Variants in PXK observed in about 807,000 individuals in gnomAD.
PXK encodes the protein PX domain-containing protein kinase-like protein.
In PXK, 35 loss-of-function variants were observed where a neutral mutation model predicts 84.7. That is an observed-to-expected ratio of 0.41 (90% CI 0.32 to 0.55). The LOEUF (loss-of-function observed/expected upper bound fraction) is 0.55. Among genes scored for constraint, PXK ranks in the 20% least tolerant of loss-of-function variants. The pLI is 0.21. For missense variants in PXK, 634 were observed against 699.7 expected (o/e 0.91, Z 1.06); for synonymous variants, 253 against 260.8 (o/e 0.97, Z 0.29).
intron 1 of PXK, among the ~76,000 whole-genome samples, chr3:58,348,255 T>C (rs1483942862): frequency 3.3e-5 from 5 of 152,196 alleles, no homozygotes; most frequent in Admixed American, 2.6e-4. Context: ...CAGCCATCCC[T>C]AAGCTGATCT....
At position 58,370,580 on chromosome 3, in the gene PXK, C is replaced by A. The variant is rs2108525603; in HGVS notation, c.201+1102C>A. 6.6e-6 allele frequency among the ~76,000 whole-genome samples: 1 copy of A among 152,296 alleles called. No homozygotes were observed. Among genetic ancestry groups the A allele is most frequent in the South Asian group, 2.1e-4 (1 of 4,826 alleles). On this transcript the variant is annotated intron_variant, in intron 3 of 17. Transcript: ENST00000356151. This position sits in a 1 kb window ranked among gnomAD's most constrained non-coding sequence, Gnocchi z 4.2. ...ACTGCTCCCGTCATTGGTGAGCTAG[C>A]CGTTATCGCTCATTCTGAGGGACCT...
chr3:58,401,341 C>T lies in PXK; in HGVS notation c.1181+1964C>T, dbSNP rs1049484539. 2.6e-4 allele frequency among the ~76,000 whole-genome samples: 39 copies of T among 152,152 alleles called. No individual in the cohort carries two copies. Among genetic ancestry groups the T allele is most frequent in the African/African-American group, 8.7e-4 (36 of 41,500 alleles). On this transcript the variant is annotated intron_variant, in intron 12 of 17. Transcript: ENST00000356151. This position sits in a 1 kb window ranked among gnomAD's most constrained non-coding sequence, Gnocchi z 4.4. The stretch of plus-strand genomic sequence containing the variant: ...TAAAAAAGAGTAATATAGCTGGGCG[C>T]GGTGGCTCACACCTATAATCCCAGC...
chr3:58,349,229 A>G (rs2097876408), intron 1 of PXK, among the ~76,000 whole-genome samples: 1 of 152,110 alleles, frequency 6.6e-6, no homozygotes, highest in African/African-American at 2.4e-5. Flanking sequence ...GCCAGACCCC[A>G]TCTCCAAAAG....
chr3:58,337,769 C>G (rs2107666982), intron 1 of PXK, among the ~76,000 whole-genome samples: 2 of 152,248 alleles, frequency 1.3e-5, no homozygotes, highest in East Asian at 3.9e-4. Flanking sequence ...TGTACCTGGC[C>G]TCAACTAGGA....
intron 1 of PXK, among the ~76,000 whole-genome samples, chr3:58,356,179 A>G (rs2108209300): frequency 6.6e-6 from 1 of 152,318 alleles, no homozygotes; most frequent in East Asian, 1.9e-4. Flanking sequence ...GTGATTTGCC[A>G]GAATGCCCAC....
chr3:58,423,654 T>G (rs1474584795), intron 17 of PXK, among the ~76,000 whole-genome samples: 1 of 152,182 alleles, frequency 6.6e-6, no homozygotes, highest in Non-Finnish European at 1.5e-5. Flanking sequence ...AGTAGCAGTG[T>G]AGGGGAAACC....
rs897826837 is a variant in PXK at position 58,400,299 on chromosome 3, A to G, written c.1181+922A>G. 2.0e-5 allele frequency among the ~76,000 whole-genome samples: 3 copies of G among 152,188 alleles called. No individual in the cohort carries two copies. The highest frequency in any genetic ancestry group is 1.3e-4 in the Admixed American group (2 of 15,282). On this transcript the variant is annotated intron_variant, in intron 12 of 17. Coordinates refer to ENST00000356151, the MANE Select transcript of PXK (RefSeq NM_017771.5). The surrounding 1 kb of genome is among the most constrained non-coding windows in gnomAD (Gnocchi z 4.0). ...AATCAGCTGATCTTTTTTGAATATCACACACCATGCAGTGTATCTGGTGCT... is the reference window on the plus strand; with the variant it reads ...AATCAGCTGATCTTTTTTGAATATCGCACACCATGCAGTGTATCTGGTGCT...
chr3:58,363,533 G>A (rs1297895582), intron 1 of PXK, among the ~76,000 whole-genome samples: 1 of 152,008 alleles, frequency 6.6e-6, no homozygotes, highest in Non-Finnish European at 1.5e-5. Flanking sequence ...TTTTGCCTGG[G>A]CTAGTCTTAA....
chr3:58,355,813 C>G (rs1270093823), intron 1 of PXK, among the ~76,000 whole-genome samples: 3 of 152,194 alleles, frequency 2.0e-5, no homozygotes, highest in Non-Finnish European at 4.4e-5. Flanking sequence ...AGGACTCCCA[C>G]CTTTCCAAAT....
At position 58,333,917 on chromosome 3, in the gene PXK, C is replaced by T. The variant is rs969745996; in HGVS notation, c.102+827C>T. ...AAGGCCCACTATGCATTATAATTTCCAAGCAATAAATCTAGGAACCAGCAA... is the reference window on the plus strand; with the variant it reads ...AAGGCCCACTATGCATTATAATTTCTAAGCAATAAATCTAGGAACCAGCAA... On this transcript the variant is annotated intron_variant, in intron 1 of 17. Transcript: ENST00000356151. This position sits in a 1 kb window ranked among gnomAD's most constrained non-coding sequence, Gnocchi z 5.4. Among the ~76,000 whole-genome samples the T allele has an allele frequency of 6.6e-6, 1 of 151,422 alleles. No homozygotes were observed. The highest frequency in any genetic ancestry group is 1.9e-4 in the East Asian group (1 of 5,182).
rs2060135855 is a variant in PXK, at chr3:58,411,096, T to C, written c.1465+937T>C. On this transcript the variant is annotated intron_variant, in intron 16 of 17. Transcript: ENST00000356151. The surrounding 1 kb of genome is among the most constrained non-coding windows in gnomAD (Gnocchi z 4.2). The stretch of plus-strand genomic sequence containing the variant: ...TGGGCAGGTGAAGAGGCAGAGATGT[T>C]TAGAAGGGAGGAAATTGGGGATATT... 6.6e-6 allele frequency among the ~76,000 whole-genome samples: 1 copy of C among 152,026 alleles called. No individual in the cohort carries two copies. Among genetic ancestry groups the C allele is most frequent in the South Asian group, 2.1e-4 (1 of 4,814 alleles).
At position 58,397,312 on chromosome 3, in the gene PXK, GC is replaced by G; in HGVS notation, c.984+114del. 1 of 1,306,848 alleles carries G rather than the reference GC, an allele frequency of 7.7e-7. No individual in the cohort carries two copies. The highest frequency in any genetic ancestry group is 1.3e-5 in the South Asian group (1 of 75,882). 81.0% of individuals were successfully genotyped at this position (1,306,848 alleles called of 1,614,324 possible). A position where few individuals can be genotyped will look rare whatever the true frequency, so the allele number is the denominator to read the frequency against. On this transcript the variant is annotated intron_variant, in intron 10 of 17. Coordinates refer to ENST00000356151, the MANE Select transcript of PXK (RefSeq NM_017771.5). This position sits in a 1 kb window ranked among gnomAD's most constrained non-coding sequence, Gnocchi z 4.7. ...GTAGTGAAAGGTATAGTTGGGACAG[GC>G]CTTGCCCGTCAGCCCTTGCAGCGTT... is the stretch of plus-strand genomic sequence containing the variant.
Position 58,398,133 on chromosome 3 carries a change from G to T in PXK, c.1102+411G>T, listed in dbSNP as rs1016276834. ...GAAACAAGAGAGGCCAGGCATGGTG[G>T]CTCACACCTGTAATCCCAGCACTTT... On this transcript the variant is annotated intron_variant, in intron 11 of 17. Transcript: ENST00000356151. The surrounding 1 kb of genome is among the most constrained non-coding windows in gnomAD (Gnocchi z 4.5). Among the ~76,000 whole-genome samples the T allele has an allele frequency of 6.6e-6, 1 of 152,196 alleles. No individual in the cohort carries two copies. Among genetic ancestry groups the T allele is most frequent in the Non-Finnish European group, 1.5e-5 (1 of 68,042 alleles).
Position 58,336,311 on chromosome 3 carries a change from C to A in PXK, c.102+3221C>A, listed in dbSNP as rs573881306. 3.3e-4 allele frequency among the ~76,000 whole-genome samples: 50 copies of A among 151,926 alleles called. No homozygotes were observed. In the South Asian group the frequency reaches 0.01, roughly 32 times the overall value. On this transcript the variant is annotated intron_variant, in intron 1 of 17. Coordinates refer to ENST00000356151, the MANE Select transcript of PXK (RefSeq NM_017771.5). ...AGTCACCAGAAGGATGAAGGGAACACAAGGTCACCACCAGAAAGGCATATT... is the reference window on the plus strand; with the variant it reads ...AGTCACCAGAAGGATGAAGGGAACAAAAGGTCACCACCAGAAAGGCATATT...
chr3:58,423,498 A>C lies in PXK; in HGVS notation c.1529-1254A>C, dbSNP rs1288148518. 2.6e-6 allele frequency: 4 copies of C among 1,534,686 alleles called. No homozygotes were observed. The South Asian group carries it at 4.8e-5, about 18-fold the overall frequency. ...TGAGTAAAAGATGTAAAGAAAGGTA[A>C]GTGATTTTCTATTGTAAGACTTTAA... On this transcript the variant is annotated intron_variant, in intron 17 of 17. Transcript: ENST00000356151.
At position 58,412,791 on chromosome 3, in the gene PXK, C is replaced by T. The variant is rs1334661797; in HGVS notation, c.1466-110C>T. On this transcript the variant is annotated intron_variant, in intron 16 of 17. Transcript: ENST00000356151. The surrounding 1 kb of genome is among the most constrained non-coding windows in gnomAD (Gnocchi z 6.2). ...CCTCATCATCTTGTTTCACAAGGCT[C>T]ACACACTAAGCCAAATGTAGATTCT... 4.5e-6 allele frequency: 5 copies of T among 1,102,050 alleles called. No individual in the cohort carries two copies. In the East Asian group the frequency reaches 7.1e-5, roughly 16 times the overall value. 68.3% of individuals were successfully genotyped at this position (1,102,050 alleles called of 1,614,324 possible).
At chr3:58,336,072 T>TATATATATATATATATATATATATATA in intron 1 of PXK, among the ~76,000 whole-genome samples, 1 of 30,980 alleles carries the variant, frequency 3.2e-5, no homozygotes, top group South Asian at 1.5e-3. Flanking sequence ...TATATATATA[T>TATATATATATATATATATATATATATA]TTTTTTTTTT....
At position 58,374,775 on chromosome 3, in the gene PXK, AT is replaced by A. The variant is rs2098423908; in HGVS notation, c.201+5299del. Among the ~76,000 whole-genome samples the A allele has an allele frequency of 3.9e-5, 6 of 152,352 alleles. No individual in the cohort carries two copies. The South Asian group carries it at 1.2e-3, about 32-fold the overall frequency. ...TCTGTAATTGGTAAGCAGTTTAGAA[AT>A]TCTAGGAGAAAGCTGAAAGAGAAAG... On this transcript the variant is annotated intron_variant, in intron 3 of 17. Transcript: ENST00000356151.
Position 58,365,933 on chromosome 3 carries a change from C to CTTTTTT in PXK, c.153+19_153+24dup. On this transcript the variant is annotated intron_variant, in intron 2 of 17. Coordinates refer to ENST00000356151, the MANE Select transcript of PXK (RefSeq NM_017771.5). ...TGGAAAACAGCTGGCAGGTAAGCAT[C>CTTTTTT]TTTTTTTTTTTTTTTGTCAATTAGA... 1.1e-5 allele frequency: 15 copies of CTTTTTT among 1,393,976 alleles called. No individual in the cohort carries two copies. The highest frequency in any genetic ancestry group is 4.3e-5 in the South Asian group (3 of 69,834). 86.4% of individuals were successfully genotyped at this position (1,393,976 alleles called of 1,614,324 possible). A position where few individuals can be genotyped will look rare whatever the true frequency, so the allele number is the denominator to read the frequency against.
Sources: allele counts gnomAD v4.1 joint callset (sites outside exome capture counted in the v4.1 genomes callset), GRCh38; gene constraint gnomAD v4.1.1; non-coding constraint Gnocchi (gnomAD v3.1); transcripts MANE v1.5; gene names NCBI Gene and HGNC (gene_info 2026-07-23, HGNC 2026-07-21).